RALYL: variants seen among roughly 807,000 people sequenced by gnomAD.
RALYL encodes the protein RNA-binding Raly-like protein.
In RALYL, 29 loss-of-function variants were observed where a neutral mutation model predicts 35.1. The observed-to-expected ratio is 0.83, with a 90% CI of 0.61 to 1.13. RALYL has a LOEUF of 1.13. Ranked by LOEUF, RALYL falls within the 50% of genes most tolerant of loss-of-function variation. The probability of loss-of-function intolerance (pLI) is 0.00; values close to 1 mark genes in which losing one functional copy is unlikely to be tolerated. For synonymous variants in RALYL, 120 were observed against 127.6 expected (o/e 0.94, Z 0.40); for missense variants, 359 against 360.4 (o/e 1.00, Z 0.03).
chr8:84,835,185 G>A (rs1187202618), intron 4 of RALYL, among the ~76,000 whole-genome samples: 1 of 152,142 alleles, frequency 6.6e-6, no homozygotes. Flanking sequence ...GGCTTGTGAG[G>A]GGAAAGGCTA....
chr8:84,522,464 TA>T (rs1371974719), intron 1 of RALYL, among the ~76,000 whole-genome samples: 1 of 151,862 alleles, frequency 6.6e-6, no homozygotes, highest in Admixed American at 6.6e-5. Context: ...TTAGCCGGGA[TA>T]GTCTCGATCT....
chr8:84,637,788 G>A (rs1034181636), intron 2 of RALYL, among the ~76,000 whole-genome samples: 1 of 151,730 alleles, frequency 6.6e-6, no homozygotes, highest in African/African-American at 2.4e-5. Flanking sequence ...TTTTGCAGCT[G>A]GGTCTCCATG....
intron 8 of RALYL, among the ~76,000 whole-genome samples, chr8:84,889,931 G>T (rs187445163): frequency 6.6e-6 from 1 of 152,064 alleles, no homozygotes; most frequent in Non-Finnish European, 1.5e-5. Flanking sequence ...CCCAAGCCAC[G>T]ATCCCTGCTC....
chr8:84,516,752 A>T (rs2058096604), intron 1 of RALYL, among the ~76,000 whole-genome samples: 1 of 152,136 alleles, frequency 6.6e-6, no homozygotes, highest in South Asian at 2.1e-4. Flanking sequence ...TTCAGGGTGG[A>T]TCTCTCTTCA....
At chr8:84,749,258 A>G (rs1229409982) in intron 2 of RALYL, among the ~76,000 whole-genome samples, 1 of 152,122 alleles carries the variant, frequency 6.6e-6, no homozygotes. Context: ...AAACCTTTTC[A>G]CTTTTTATCC....
chr8:84,692,090 G>T (rs1838176670), intron 2 of RALYL, among the ~76,000 whole-genome samples: 1 of 151,842 alleles, frequency 6.6e-6, no homozygotes, highest in Non-Finnish European at 1.5e-5. Context: ...AATGTAACAA[G>T]TTTCTGAAAA....
chr8:84,841,454 C>T (rs960523915), intron 4 of RALYL, among the ~76,000 whole-genome samples: 22 of 152,036 alleles, frequency 1.4e-4, no homozygotes, highest in Admixed American at 2.6e-4. Flanking sequence ...ACAGGAGCAC[C>T]CAGATTCATA....
chr8:84,369,245 A>G (rs1224216832), intron 1 of RALYL, among the ~76,000 whole-genome samples: 1 of 152,160 alleles, frequency 6.6e-6, no homozygotes, highest in Non-Finnish European at 1.5e-5. Flanking sequence ...TTGAAATCCA[A>G]TAAATTCTTG....
chr8:84,312,323 T>A (rs1480619355), intron 1 of RALYL, among the ~76,000 whole-genome samples: 1 of 152,124 alleles, frequency 6.6e-6, no homozygotes. Flanking sequence ...ACCATATTAT[T>A]CCACCTTGGC....
chr8:84,790,265 A>G (rs77631098), intron 3 of RALYL, among the ~76,000 whole-genome samples: 2 of 152,208 alleles, frequency 1.3e-5, no homozygotes, highest in Non-Finnish European at 2.9e-5. Flanking sequence ...AAGACAGCCA[A>G]ATTTTAGGGA....
chr8:84,242,768 A>C (rs1828242408), intron 1 of RALYL, among the ~76,000 whole-genome samples: 2 of 152,032 alleles, frequency 1.3e-5, no homozygotes, highest in Non-Finnish European at 2.9e-5. Context: ...AGATTGCAAA[A>C]ATTTTCTCCC....
intron 1 of RALYL, among the ~76,000 whole-genome samples, chr8:84,295,930 C>T (rs1250706256): frequency 6.6e-6 from 1 of 152,098 alleles, no homozygotes; most frequent in African/African-American, 2.4e-5. Flanking sequence ...AGGGACACTA[C>T]CAGGACACTT....
intron 2 of RALYL, among the ~76,000 whole-genome samples, chr8:84,600,474 T>G (rs994702057): frequency 1.1e-4 from 17 of 152,260 alleles, no homozygotes; most frequent in African/African-American, 3.8e-4. Context: ...CACACATTTT[T>G]GCTTTTGCAG....
At chr8:84,445,881 T>C (rs558813668) in intron 1 of RALYL, among the ~76,000 whole-genome samples, 2 of 151,448 alleles carry the variant, frequency 1.3e-5, no homozygotes, top group Admixed American at 6.6e-5. Flanking sequence ...GTAATAGTAT[T>C]CTTTTTTTGA....
At chr8:84,549,554 C>G (rs2060581002) in intron 2 of RALYL, among the ~76,000 whole-genome samples, 1 of 152,180 alleles carries the variant, frequency 6.6e-6, no homozygotes, top group Non-Finnish European at 1.5e-5. Context: ...AATGTTTTGC[C>G]TCTCCCCTGA....
intron 1 of RALYL, among the ~76,000 whole-genome samples, chr8:84,366,494 G>A (rs1431562469): frequency 1.3e-5 from 2 of 152,028 alleles, no homozygotes; most frequent in Non-Finnish European, 2.9e-5. Flanking sequence ...AAGGTGGCTG[G>A]AGGCCGAGTG....
chr8:84,302,814 G>A (rs538785399), intron 1 of RALYL, among the ~76,000 whole-genome samples: 15 of 152,170 alleles, frequency 9.9e-5, no homozygotes, highest in Non-Finnish European at 1.9e-4. Flanking sequence ...CTGTCAATGA[G>A]CATTTATAAG....
chr8:84,728,689 A>C (rs984500360), intron 2 of RALYL, among the ~76,000 whole-genome samples: 1 of 152,158 alleles, frequency 6.6e-6, no homozygotes, highest in Admixed American at 6.6e-5. Context: ...AGCTTTCTAC[A>C]TATGGCTAGC....
intron 2 of RALYL, among the ~76,000 whole-genome samples, chr8:84,647,061 T>C (rs1038241689): frequency 6.6e-6 from 1 of 152,100 alleles, no homozygotes; most frequent in African/African-American, 2.4e-5. Flanking sequence ...TTTGTTCCCC[T>C]TGTTGGTTTT....
Sources: allele counts gnomAD v4.1 joint callset (sites outside exome capture counted in the v4.1 genomes callset), GRCh38; gene constraint gnomAD v4.1.1; transcripts MANE v1.5; gene names NCBI Gene and HGNC (gene_info 2026-07-23, HGNC 2026-07-21).